Variants in L3MBTL3 observed in about 807,000 individuals in gnomAD.
L3MBTL3 encodes lethal(3)malignant brain tumor-like protein 3.
In L3MBTL3, 27 loss-of-function variants were observed where a neutral mutation model predicts 102.3. The ratio of observed to expected loss-of-function variants is 0.26; its 90% CI spans 0.19 to 0.36. The LOEUF (loss-of-function observed/expected upper bound fraction) is 0.36. Among genes scored for constraint, L3MBTL3 ranks in the 10% least tolerant of loss-of-function variants. L3MBTL3 has a pLI of 1.00. For missense variants in L3MBTL3, 798 were observed against 955.3 expected, an observed-to-expected ratio of 0.84 and a Z score of 2.17; for synonymous variants, 340 against 320.9, an observed-to-expected ratio of 1.06 and a Z score of -0.64.
At chr6:130,023,441 G>A (rs1779137331) in intron 2 of L3MBTL3, among the ~76,000 whole-genome samples, 1 of 152,162 alleles carries the variant, frequency 6.6e-6, no homozygotes, top group Admixed American at 6.5e-5. Flanking sequence ...AGTTTCCTAA[G>A]ATGGTGAATT....
At chr6:130,038,293 A>C (rs1464089191) in intron 2 of L3MBTL3, among the ~76,000 whole-genome samples, 1 of 151,644 alleles carries the variant, frequency 6.6e-6, no homozygotes, top group Non-Finnish European at 1.5e-5. Flanking sequence ...CTGTAGTGGG[A>C]TCACTGGATC....
At position 130,104,545 on chromosome 6, in the gene L3MBTL3, C is replaced by A; in HGVS notation, c.1856C>A (p.Ala619Glu). The part of the protein sequence containing the change: ...PSFPRNKRTD[A>E]NESSSSPEIR... ...TTTCCAAGAAATAAAAGGACAGATG[C>A]AAATGAAAGCTCTTCTTCCCCTGAA... The change falls in exon 19 of 23, where the codon GCA (alanine) becomes GAA (glutamate). Residue 619 changes from alanine to glutamate, a missense_variant. Transcript: ENST00000361794. 1.3e-6 allele frequency: 2 copies of A among 1,583,682 alleles called. No individual in the cohort carries two copies. The highest frequency in any genetic ancestry group is 1.2e-5 in the South Asian group (1 of 83,248).
intron 22 of L3MBTL3, among the ~76,000 whole-genome samples, chr6:130,139,067 G>A (rs377610073): frequency 3.1e-4 from 44 of 143,540 alleles, no homozygotes; most frequent in African/African-American, 3.6e-4. Flanking sequence ...TGATTGCCCC[G>A]TTAGTAAATG....
chr6:130,059,764 A>G (rs1781770687), intron 9 of L3MBTL3, among the ~76,000 whole-genome samples: 1 of 152,096 alleles, frequency 6.6e-6, no homozygotes, highest in South Asian at 2.1e-4. Context: ...TCTTAGTGTA[A>G]TTTTACTTTG....
intron 18 of L3MBTL3, among the ~76,000 whole-genome samples, chr6:130,102,776 C>A (rs1333074934): frequency 6.6e-6 from 1 of 152,206 alleles, no homozygotes; most frequent in Non-Finnish European, 1.5e-5. Flanking sequence ...TCGGGTGCTT[C>A]TTCTCCAAGG....
chr6:130,112,176 C>T (rs907496746), intron 19 of L3MBTL3, among the ~76,000 whole-genome samples: 1 of 152,164 alleles, frequency 6.6e-6, no homozygotes, highest in Non-Finnish European at 1.5e-5. Context: ...ATGCTGTTGA[C>T]GTTCTTGGGT....
intron 22 of L3MBTL3, 92 bp from the exon 23 acceptor site, chr6:130,139,518 T>G: frequency 8.5e-7 from 1 of 1,176,932 alleles, no homozygotes; most frequent in Non-Finnish European, 1.3e-6. Flanking sequence ...AGCATTGCTA[T>G]GTAGAAGACA....
intron 10 of L3MBTL3, among the ~76,000 whole-genome samples, chr6:130,064,580 G>A (rs924710390): frequency 6.6e-6 from 1 of 152,132 alleles, no homozygotes; most frequent in Admixed American, 6.5e-5. Flanking sequence ...TAGCATGGGG[G>A]AAGAAGAGGA....
intron 14 of L3MBTL3, among the ~76,000 whole-genome samples, chr6:130,082,792 T>G (rs1174624575): frequency 6.6e-6 from 1 of 152,218 alleles, no homozygotes; most frequent in Non-Finnish European, 1.5e-5. Flanking sequence ...GAAATACATG[T>G]GTATAAATAT....
intron 20 of L3MBTL3, among the ~76,000 whole-genome samples, chr6:130,132,007 C>A (rs1325701180): frequency 6.6e-6 from 1 of 152,174 alleles, no homozygotes; most frequent in Non-Finnish European, 1.5e-5. Context: ...TTACCCAGCT[C>A]CTGCTCAAGA....
At chr6:130,044,362 T>A (rs865803747) in intron 3 of L3MBTL3, among the ~76,000 whole-genome samples, 1 of 152,212 alleles carries the variant, frequency 6.6e-6, no homozygotes, top group Non-Finnish European at 1.5e-5. Flanking sequence ...TTATTTCCCT[T>A]GTGTGTTTTT....
chr6:130,091,402 T>C (rs1054312007), intron 16 of L3MBTL3, among the ~76,000 whole-genome samples: 5 of 152,122 alleles, frequency 3.3e-5, no homozygotes, highest in African/African-American at 1.2e-4. Flanking sequence ...GATTTAAAAA[T>C]AAAATATCTA....
At chr6:130,026,808 A>G (rs1444598371) in intron 2 of L3MBTL3, among the ~76,000 whole-genome samples, 3 of 152,148 alleles carry the variant, frequency 2.0e-5, no homozygotes, top group African/African-American at 7.2e-5. Flanking sequence ...AAAAATATAT[A>G]TATAAAGCAT....
chr6:130,051,729 A>T (rs557727817), intron 6 of L3MBTL3, among the ~76,000 whole-genome samples: 1 of 152,362 alleles, frequency 6.6e-6, no homozygotes, highest in East Asian at 1.9e-4. Context: ...CATTTCGATG[A>T]CACTGACATT....
intron 15 of L3MBTL3, among the ~76,000 whole-genome samples, chr6:130,084,297 A>G (rs929118187): frequency 6.6e-6 from 1 of 152,128 alleles, no homozygotes; most frequent in Non-Finnish European, 1.5e-5. Flanking sequence ...TTTTCATCTC[A>G]AATAGCTTGC....
chr6:130,034,311 C>G (rs1349698617), intron 2 of L3MBTL3, among the ~76,000 whole-genome samples: 1 of 152,184 alleles, frequency 6.6e-6, no homozygotes, highest in African/African-American at 2.4e-5. Context: ...GAAAAAAAAT[C>G]ATTTTAGCAC....
intron 10 of L3MBTL3, among the ~76,000 whole-genome samples, chr6:130,064,627 A>T (rs1476727327): frequency 6.6e-6 from 1 of 152,174 alleles, no homozygotes. Flanking sequence ...GAGCCTCGGC[A>T]GGGGAGAACT....
chr6:130,020,329 G>A (rs1488501104), intron 1 of L3MBTL3, among the ~76,000 whole-genome samples: 3 of 151,786 alleles, frequency 2.0e-5, no homozygotes, highest in Non-Finnish European at 4.4e-5. Flanking sequence ...GGAGTGTGGG[G>A]GCCGCCGGGC....
chr6:130,086,497 A>G (rs1783701155), intron 16 of L3MBTL3, among the ~76,000 whole-genome samples: 1 of 152,220 alleles, frequency 6.6e-6, no homozygotes. Flanking sequence ...AAGAAAGTAG[A>G]TACAACACAT....
Sources: allele counts gnomAD v4.1 joint callset (sites outside exome capture counted in the v4.1 genomes callset), GRCh38; gene constraint gnomAD v4.1.1; transcripts MANE v1.5; gene names NCBI Gene and HGNC (gene_info 2026-07-23, HGNC 2026-07-21).